The following PRKN variants were observed in gnomAD, a reference collection of about 807,000 sequenced individuals.
PRKN encodes E3 ubiquitin-protein ligase parkin.
In PRKN, 56 loss-of-function variants were observed where a neutral mutation model predicts 59.5. That is an observed-to-expected ratio of 0.94 (90% CI 0.76 to 1.18). The LOEUF (loss-of-function observed/expected upper bound fraction) is 1.18. Among genes scored for constraint, PRKN ranks in the 50% most tolerant of loss-of-function variants. PRKN has a pLI of 0.00. For missense variants in PRKN, 657 were observed against 596.4 expected (o/e 1.10, Z -1.06); for synonymous variants, 250 against 222.1 (o/e 1.13, Z -1.12).
chr6:162,300,124 G>A (rs953334407), intron 2 of PRKN, among the ~76,000 whole-genome samples: 11 of 151,982 alleles, frequency 7.2e-5, no homozygotes, highest in African/African-American at 2.7e-4. Flanking sequence ...TATCTACTCT[G>A]GATAATACAA....
intron 4 of PRKN, among the ~76,000 whole-genome samples, chr6:162,102,632 T>C (rs1780019295): frequency 1.3e-5 from 2 of 151,122 alleles, no homozygotes; most frequent in Admixed American, 6.6e-5. Context: ...AAAAGATCCA[T>C]GCCTTCTTAA....
Position 162,522,934 on chromosome 6 carries a change from T to C in PRKN, c.8-79461A>G, listed in dbSNP as rs547642068. On this transcript the variant is annotated intron_variant, in intron 1 of 11. Transcript: ENST00000366898. ...CTTCAACCCTGACCATTCCAGCAAA[T>C]AACCCCAATCAACTCTTGCTCCTCA... is the stretch of plus-strand genomic sequence containing the variant. 5.9e-5 allele frequency among the ~76,000 whole-genome samples: 9 copies of C among 152,220 alleles called. No individual in the cohort carries two copies. The South Asian group carries it at 1.9e-3, about 32-fold the overall frequency.
chr6:161,426,532 A>G (rs1788364711), intron 9 of PRKN, among the ~76,000 whole-genome samples: 1 of 151,800 alleles, frequency 6.6e-6, no homozygotes, highest in South Asian at 2.1e-4. Context: ...ATCGAACTCC[A>G]AGTTCTTCAG....
chr6:162,512,463 TAAC>T (rs1280104968), intron 1 of PRKN, among the ~76,000 whole-genome samples: 2 of 152,182 alleles, frequency 1.3e-5, no homozygotes, highest in African/African-American at 4.8e-5. Flanking sequence ...ATAACTGAAA[TAAC>T]AACAAGGGAG....
At chr6:161,980,599 T>A (rs921790524) in intron 5 of PRKN, among the ~76,000 whole-genome samples, 1 of 152,198 alleles carries the variant, frequency 6.6e-6, no homozygotes, top group Non-Finnish European at 1.5e-5. Context: ...GGAGAAGGTA[T>A]TGGAGTCACC....
intron 1 of PRKN, among the ~76,000 whole-genome samples, chr6:162,585,755 T>G (rs771273646): frequency 2.0e-5 from 3 of 152,130 alleles, no homozygotes; most frequent in Non-Finnish European, 4.4e-5. Flanking sequence ...CAAGCTGGAG[T>G]GCAATGGTGT....
At chr6:162,106,849 C>G (rs1214906923) in intron 4 of PRKN, among the ~76,000 whole-genome samples, 2 of 152,186 alleles carry the variant, frequency 1.3e-5, no homozygotes, top group African/African-American at 4.8e-5. Context: ...CCAGTCTTGA[C>G]TGACTAGCCC....
chr6:161,680,775 A>ATATAT (rs1216235673), intron 7 of PRKN, among the ~76,000 whole-genome samples: 17 of 30,614 alleles, frequency 5.6e-4, no homozygotes, highest in Non-Finnish European at 8.5e-4. Context: ...ATATATATAT[A>ATATAT]TTTTTTTTTT....
intron 2 of PRKN, among the ~76,000 whole-genome samples, chr6:162,360,039 CACTT>C (rs958751395): frequency 5.9e-5 from 9 of 151,998 alleles, no homozygotes; most frequent in African/African-American, 7.3e-5. Flanking sequence ...TTTATGTTCT[CACTT>C]ACTAAAATAC....
At chr6:162,260,845 T>G (rs1779859048) in intron 3 of PRKN, among the ~76,000 whole-genome samples, 1 of 152,146 alleles carries the variant, frequency 6.6e-6, no homozygotes, top group South Asian at 2.1e-4. Flanking sequence ...GAAATCAAAT[T>G]AAAGAACTAG....
chr6:162,671,737 T>C (rs1417238161), intron 1 of PRKN, among the ~76,000 whole-genome samples: 1 of 151,704 alleles, frequency 6.6e-6, no homozygotes, highest in East Asian at 1.9e-4. Flanking sequence ...GTTTAGGAAA[T>C]ATTAAAATAT....
At chr6:161,880,887 A>C (rs991156562) in intron 6 of PRKN, among the ~76,000 whole-genome samples, 1 of 152,170 alleles carries the variant, frequency 6.6e-6, no homozygotes, top group South Asian at 2.1e-4. Flanking sequence ...TTCCGCCAGC[A>C]CGTTCAGGGT....
intron 1 of PRKN, among the ~76,000 whole-genome samples, chr6:162,717,961 C>G (rs1778791890): frequency 6.6e-6 from 1 of 152,166 alleles, no homozygotes; most frequent in Non-Finnish European, 1.5e-5. Flanking sequence ...CGCTGAAGAT[C>G]TGAAAAACAC....
intron 6 of PRKN, among the ~76,000 whole-genome samples, chr6:161,936,918 T>C (rs1326380529): frequency 4.6e-5 from 7 of 151,934 alleles, no homozygotes; most frequent in Admixed American, 4.6e-4. Context: ...CCCAAGTAGC[T>C]GGGATTATGG....
At chr6:161,745,510 G>A (rs983004996) in intron 7 of PRKN, among the ~76,000 whole-genome samples, 1 of 152,206 alleles carries the variant, frequency 6.6e-6, no homozygotes, top group Admixed American at 6.5e-5. Context: ...CCACACCTGC[G>A]ACCAGGGGCA....
At chr6:162,204,537 C>T (rs1784854411) in intron 3 of PRKN, among the ~76,000 whole-genome samples, 1 of 152,204 alleles carries the variant, frequency 6.6e-6, no homozygotes, top group African/African-American at 2.4e-5. Context: ...TGAAACTGCT[C>T]ATGTTTATAA....
Position 161,495,007 on chromosome 6 carries a change from T to C in PRKN, c.1083+53847A>G, listed in dbSNP as rs118128369. ...GGAAATAAAATGCGAGCCACACATATAAATTGTATTTTAATATCCACTTTA... is the reference window on the plus strand; with the variant it reads ...GGAAATAAAATGCGAGCCACACATACAAATTGTATTTTAATATCCACTTTA... On this transcript the variant is annotated intron_variant, in intron 9 of 11. Coordinates refer to ENST00000366898, the MANE Select transcript of PRKN (RefSeq NM_004562.3). Among the ~76,000 whole-genome samples, 1,433 of 152,338 alleles carry C rather than the reference T, an allele frequency of 9.4e-3. 11 individuals are homozygous for C. Among genetic ancestry groups the C allele is most frequent in the Non-Finnish European group, 0.016 (1,067 of 68,024 alleles).
At position 161,379,879 on chromosome 6, in the gene PRKN, T is replaced by G. The variant is rs1562407571; in HGVS notation, c.1167+6915A>C. Among the ~76,000 whole-genome samples, 4 of 152,238 alleles carry G rather than the reference T, an allele frequency of 2.6e-5. No homozygotes were observed. The highest frequency in any genetic ancestry group is 2.6e-4 in the Admixed American group (4 of 15,288). ...CTCAGGGTTTTCTTCCTGGAAAACATGTACTATTACAATTCCCTACTAAGT... is the reference window on the plus strand; with the variant it reads ...CTCAGGGTTTTCTTCCTGGAAAACAGGTACTATTACAATTCCCTACTAAGT... On this transcript the variant is annotated intron_variant, in intron 10 of 11. Transcript: ENST00000366898. The surrounding 1 kb of genome is among the most constrained non-coding windows in gnomAD (Gnocchi z 4.9).
At chr6:161,694,239 A>G (rs1451415671) in intron 7 of PRKN, among the ~76,000 whole-genome samples, 1 of 152,044 alleles carries the variant, frequency 6.6e-6, no homozygotes, top group African/African-American at 2.4e-5. Context: ...TAGTAATAAT[A>G]ATAAGAAAAA....
Sources: allele counts gnomAD v4.1 joint callset (sites outside exome capture counted in the v4.1 genomes callset), GRCh38; gene constraint gnomAD v4.1.1; non-coding constraint Gnocchi (gnomAD v3.1); transcripts MANE v1.5; gene names NCBI Gene and HGNC (gene_info 2026-07-23, HGNC 2026-07-21).